PRRX1: variants seen among roughly 807,000 people sequenced by gnomAD.
The protein encoded by PRRX1 is paired mesoderm homeobox protein 1.
PRRX1 carries 8 observed loss-of-function variants against 24.0 expected under a neutral mutation model. That is an observed-to-expected ratio of 0.33 (90% CI 0.20 to 0.60). PRRX1 has a LOEUF of 0.60. Ranked by LOEUF, PRRX1 falls within the 20% of genes least tolerant of loss-of-function variation. The probability of loss-of-function intolerance (pLI) is 0.82; values close to 1 mark genes in which losing one functional copy is unlikely to be tolerated. For missense variants in PRRX1, 281 were observed against 322.4 expected (o/e 0.87, Z 0.98); for synonymous variants, 160 against 131.7 (o/e 1.22, Z -1.47).
chr1:170,674,171 C>T (rs900958851), intron 1 of PRRX1, among the ~76,000 whole-genome samples: 1 of 152,138 alleles, frequency 6.6e-6, no homozygotes, highest in African/African-American at 2.4e-5. Context: ...GCTCTAGCAG[C>T]CTGCCTGATA....
chr1:170,716,477 G>A (rs1055317836), intron 1 of PRRX1, among the ~76,000 whole-genome samples: 3 of 151,936 alleles, frequency 2.0e-5, no homozygotes, highest in Non-Finnish European at 4.4e-5. Flanking sequence ...CCAGCTACTC[G>A]GGAGGCTGAG....
chr1:170,697,220 C>G (rs1654201507), intron 1 of PRRX1, among the ~76,000 whole-genome samples: 1 of 152,140 alleles, frequency 6.6e-6, no homozygotes, highest in African/African-American at 2.4e-5. Context: ...CCATGTCTTT[C>G]TTAGCTTTGG....
At chr1:170,705,149 T>C (rs1406753611) in intron 1 of PRRX1, among the ~76,000 whole-genome samples, 1 of 152,238 alleles carries the variant, frequency 6.6e-6, no homozygotes, top group African/African-American at 2.4e-5. Context: ...GCCACTTTCC[T>C]GCTCCATGTC....
At chr1:170,673,344 C>A (rs1475827828) in intron 1 of PRRX1, among the ~76,000 whole-genome samples, 1 of 152,184 alleles carries the variant, frequency 6.6e-6, no homozygotes. Context: ...TAGACTCCAG[C>A]AGTAGTATAC....
At chr1:170,712,874 T>C (rs1022228116) in intron 1 of PRRX1, among the ~76,000 whole-genome samples, 1 of 152,180 alleles carries the variant, frequency 6.6e-6, no homozygotes, top group Non-Finnish European at 1.5e-5. Flanking sequence ...TTATAGCTAG[T>C]TGGGTCTGAC....
chr1:170,709,780 G>T (rs1257756305), intron 1 of PRRX1, among the ~76,000 whole-genome samples: 1 of 152,176 alleles, frequency 6.6e-6, no homozygotes, highest in Non-Finnish European at 1.5e-5. Context: ...CTAAAGTCAA[G>T]ATTGAATGTA....
intron 1 of PRRX1, among the ~76,000 whole-genome samples, chr1:170,711,041 C>T (rs771798722): frequency 2.6e-5 from 4 of 152,198 alleles, no homozygotes; most frequent in African/African-American, 4.8e-5. Flanking sequence ...CCACTATTTA[C>T]ACTTCGACTT....
At chr1:170,712,451 C>A (rs1262807084) in intron 1 of PRRX1, among the ~76,000 whole-genome samples, 1 of 152,172 alleles carries the variant, frequency 6.6e-6, no homozygotes, top group African/African-American at 2.4e-5. Flanking sequence ...ATTTGAATGG[C>A]TTTCTCACTT....
intron 1 of PRRX1, among the ~76,000 whole-genome samples, chr1:170,694,887 CTT>C (rs1294056370): frequency 6.6e-6 from 1 of 152,078 alleles, no homozygotes; most frequent in African/African-American, 2.4e-5. Context: ...TAACGGTAGA[CTT>C]AAGAATTAAG....
rs76427450 is a variant in PRRX1, at chr1:170,738,138, T to C, written c.*1952T>C. The C allele has an allele frequency of 5.5e-5, 12 of 219,318 alleles. No individual in the cohort carries two copies. The highest frequency in any genetic ancestry group is 2.7e-4 in the African/African-American group (12 of 44,682). The allele number at this position is 219,318 out of a possible 1,614,324, so 13.6% of individuals were successfully genotyped here. A position where few individuals can be genotyped will look rare whatever the true frequency, so the allele number is the denominator to read the frequency against. On this transcript the variant is annotated 3_prime_UTR_variant, in exon 4 of 4. Coordinates refer to ENST00000239461, the MANE Select transcript of PRRX1 (RefSeq NM_022716.4). ...TTCATCCTGACCAGCTTAGTTCTAA[T>C]AATTTTTAGTTGTGAGTGATTAAAA...
chr1:170,725,958 T>C (rs147933722), intron 2 of PRRX1, among the ~76,000 whole-genome samples: 17 of 152,260 alleles, frequency 1.1e-4, no homozygotes, highest in African/African-American at 3.4e-4. Context: ...CGTGGGTAAG[T>C]CACAGATCCC....
intron 1 of PRRX1, among the ~76,000 whole-genome samples, chr1:170,718,085 G>A (rs1571342970): frequency 6.6e-6 from 1 of 152,320 alleles, no homozygotes; most frequent in African/African-American, 2.4e-5. Flanking sequence ...GAAAGGTATG[G>A]TAGCTTCTTG....
At chr1:170,702,813 C>T (rs1199982180) in intron 1 of PRRX1, among the ~76,000 whole-genome samples, 2 of 152,056 alleles carry the variant, frequency 1.3e-5, no homozygotes, top group African/African-American at 4.8e-5. Flanking sequence ...TTTTTTAAAA[C>T]CCAGAAAGCT....
chr1:170,694,912 G>A (rs12130326), intron 1 of PRRX1, among the ~76,000 whole-genome samples: 1 of 152,088 alleles, frequency 6.6e-6, no homozygotes, highest in African/African-American at 2.4e-5. Flanking sequence ...GAGGCTAAAG[G>A]CATCAATGCT....
chr1:170,720,445 G>T (rs917777980), intron 2 of PRRX1, among the ~76,000 whole-genome samples: 1 of 152,154 alleles, frequency 6.6e-6, no homozygotes, highest in Non-Finnish European at 1.5e-5. Context: ...AATGCCTTCA[G>T]GTAGGGCAGA....
intron 1 of PRRX1, among the ~76,000 whole-genome samples, chr1:170,704,279 G>T (rs184830787): frequency 2.8e-4 from 42 of 152,276 alleles, no homozygotes; most frequent in Non-Finnish European, 2.1e-4. Context: ...ACCTCTCAAC[G>T]CTGGGAAGTT....
rs1391172513 is a variant in PRRX1, at chr1:170,705,036, C to T, written c.242-14690C>T. ...CAAAGGCACACATGTTATTTGGGTC[C>T]TAGTGGAATGGTCTCAATATATAAA... On this transcript the variant is annotated intron_variant, in intron 1 of 3. Transcript: ENST00000239461. Among the ~76,000 whole-genome samples, 3 of 152,094 alleles carry T rather than the reference C, an allele frequency of 2.0e-5. No individual in the cohort carries two copies. In the East Asian group the frequency reaches 5.8e-4, roughly 29 times the overall value.
chr1:170,683,591 G>A (rs895703027), intron 1 of PRRX1, among the ~76,000 whole-genome samples: 2 of 152,112 alleles, frequency 1.3e-5, no homozygotes, highest in African/African-American at 4.8e-5. Flanking sequence ...GTGTGCAGTG[G>A]GGTATGAAAT....
In PRRX1 at chr1:170,701,905, A is replaced by T. The variant is rs185695728; in HGVS notation, c.242-17821A>T. 7.9e-5 allele frequency among the ~76,000 whole-genome samples: 12 copies of T among 151,988 alleles called. No homozygotes were observed. In the East Asian group the frequency reaches 2.3e-3, roughly 29 times the overall value. ...CTTTTCTATTTGAAGATATACATAA[A>T]TTATTTTATAGTCACCCGATAGCAC... On this transcript the variant is annotated intron_variant, in intron 1 of 3. Coordinates refer to ENST00000239461, the MANE Select transcript of PRRX1 (RefSeq NM_022716.4).
Sources: gnomAD v4.1 joint callset for allele counts (sites outside exome capture counted in the v4.1 genomes callset) on GRCh38, gnomAD v4.1.1 for gene constraint, MANE v1.5 for transcripts, NCBI Gene and HGNC (gene_info 2026-07-23, HGNC 2026-07-21) for gene names.